TASOR2: variants seen among roughly 807,000 people sequenced by gnomAD.
TASOR2 encodes transcription activation suppressor family member 2.
Under a neutral mutation model 199.5 loss-of-function variants are expected in TASOR2, and 84 were observed. The observed-to-expected ratio is 0.42, with a 90% CI of 0.35 to 0.50. The LOEUF (loss-of-function observed/expected upper bound fraction) is 0.50. TASOR2 is among the 20% of genes least tolerant of loss of function. The pLI is 0.02. For synonymous variants in TASOR2, 1,103 were observed against 1,046.6 expected, an observed-to-expected ratio of 1.05 and a Z score of -1.04; for missense variants, 2,796 against 2,835.9, an observed-to-expected ratio of 0.99 and a Z score of 0.32.
chr10:5,730,486 G>A lies in TASOR2; in HGVS notation c.488-1G>A. Reference sequence around the variant, plus strand: ...GTTTAATACGTGTGTATATATTCTAGGGGTGAAAGATTTGAAAGTTGAAGA... The same window carrying A: ...GTTTAATACGTGTGTATATATTCTAAGGGTGAAAGATTTGAAAGTTGAAGA... On this transcript the variant is annotated splice_acceptor_variant, in intron 10 of 20. Coordinates refer to ENST00000328090, the Ensembl canonical transcript of TASOR2. LOFTEE classifies it high-confidence loss of function. The surrounding 1 kb of genome is among the most constrained non-coding windows in gnomAD (Gnocchi z 4.1). 1 of 1,582,536 alleles carries A rather than the reference G, an allele frequency of 6.3e-7. No homozygotes were observed. Among genetic ancestry groups the A allele is most frequent in the Non-Finnish European group, 8.6e-7 (1 of 1,166,030 alleles).
intron 10 of TASOR2, among the ~76,000 whole-genome samples, chr10:5,729,852 C>A (rs1834562060): frequency 6.7e-6 from 1 of 149,736 alleles, no homozygotes; most frequent in Middle Eastern, 3.4e-3. Context: ...TTCCTTTATT[C>A]ATTTTCAAAA....
intron 1 of TASOR2, 167 bp from the exon 2 acceptor site, chr10:5,712,656 T>G (rs1425688694): frequency 4.5e-6 from 4 of 888,224 alleles, no homozygotes; most frequent in Non-Finnish European, 5.9e-6. Flanking sequence ...ACGCAGCAGA[T>G]CCTTGGAAAT....
At chr10:5,692,866 G>A (rs1196993619) in intron 1 of TASOR2, 3 of 152,368 alleles carry the variant, frequency 2.0e-5, no homozygotes, top group Non-Finnish European at 4.4e-5. Context: ...GAGGGGGCCG[G>A]AGGGGCTGCC....
rs74776371 is a variant in TASOR2, at chr10:5,719,919, G to A, written c.-99-625G>A. Among the ~76,000 whole-genome samples, 46 of 152,226 alleles carry A rather than the reference G, an allele frequency of 3.0e-4. 1 individual carries two copies. The East Asian group carries it at 7.7e-3, about 26-fold the overall frequency. ...GTCACCAAAGAGCCATTCAGTGACC[G>A]TAACATAAAAGATGGTGGGCTATAG... On this transcript the variant is annotated intron_variant, in intron 3 of 20. Transcript: ENST00000328090. The surrounding 1 kb of genome is among the most constrained non-coding windows in gnomAD (Gnocchi z 4.1).
At chr10:5,760,614 AGAGG>A (rs1376521561) in intron 18 of TASOR2, among the ~76,000 whole-genome samples, 1 of 152,256 alleles carries the variant, frequency 6.6e-6, no homozygotes, top group Non-Finnish European at 1.5e-5. Flanking sequence ...ATTCATAGAA[AGAGG>A]GATGGCATAA....
intron 6 of TASOR2, 100 bp from the exon 8 acceptor site, chr10:5,723,577 G>T: frequency 8.2e-6 from 5 of 610,024 alleles, no homozygotes; most frequent in Non-Finnish European, 1.1e-5. Context: ...TCTTTTTTGT[G>T]GTTATATTTT....
Position 5,720,362 on chromosome 10 carries a change from A to T in TASOR2, c.-99-182A>T, listed in dbSNP as rs1026744584. On this transcript the variant is annotated intron_variant, in intron 3 of 20. Transcript: ENST00000328090. This position sits in a 1 kb window ranked among gnomAD's most constrained non-coding sequence, Gnocchi z 5.3. ...TGAAAATACTAACAAGGTTTCTAAC[A>T]AGACGAGTCATTTTCGTGCCTTTGA... 1 of 985,460 alleles carries T rather than the reference A, an allele frequency of 1.0e-6. No homozygotes were observed. The highest frequency in any genetic ancestry group is 1.2e-6 in the Non-Finnish European group (1 of 829,928). The allele number at this position is 985,460 out of a possible 1,614,324, so 61.0% of individuals were successfully genotyped here. A position where few individuals can be genotyped will look rare whatever the true frequency, so the allele number is the denominator to read the frequency against.
In TASOR2 at chr10:5,746,411, G is replaced by A. The variant is rs1020512170; in HGVS notation, c.2990G>A (p.Gly997Asp). 2 of 1,614,092 alleles carry A rather than the reference G, an allele frequency of 1.2e-6. No homozygotes were observed. The highest frequency in any genetic ancestry group is 1.3e-5 in the African/African-American group (1 of 75,036). Reference sequence around the variant, plus strand: ...GTGATATGTCAGAGCTCTGTGTACGGCACCCTTGAAAACAAAGTGGATATT... The same window carrying A: ...GTGATATGTCAGAGCTCTGTGTACGACACCCTTGAAAACAAAGTGGATATT... The change falls in exon 15 of 21, where the codon GGC becomes GAC. Residue 997 changes from glycine (G) to aspartate (D), a missense_variant. Transcript: ENST00000328090.
At chr10:5,725,390 C>CAAAAA (rs59186946) in intron 8 of TASOR2, among the ~76,000 whole-genome samples, 2 of 78,970 alleles carry the variant, frequency 2.5e-5, no homozygotes, top group Non-Finnish European at 4.5e-5. Flanking sequence ...GACTCCATCT[C>CAAAAA]AAAAAAAAAA....
At chr10:5,746,778 G>T (rs1251804466) in exon 15 of TASOR2, 2 of 1,614,164 alleles carry the variant, frequency 1.2e-6, no homozygotes, top group Admixed American at 3.3e-5. Context: ...CAGGACAGAA[G>T]GGCACTAAGT....
At chr10:5,717,301 TTTTATA>T (rs1832782730) in intron 2 of TASOR2, among the ~76,000 whole-genome samples, 1 of 152,208 alleles carries the variant, frequency 6.6e-6, no homozygotes, top group Non-Finnish European at 1.5e-5. Context: ...CTTATTGATC[TTTTATA>T]TCTTCATGAG....
At chr10:5,716,191 T>C (rs1832605389) in intron 2 of TASOR2, among the ~76,000 whole-genome samples, 2 of 152,226 alleles carry the variant, frequency 1.3e-5, no homozygotes, top group African/African-American at 4.8e-5. Flanking sequence ...TTATGCAGTC[T>C]GTTGTTGACC....
chr10:5,725,390 C>CAA (rs59186946), intron 8 of TASOR2, among the ~76,000 whole-genome samples: 1 of 78,962 alleles, frequency 1.3e-5, no homozygotes, highest in African/African-American at 6.1e-5. Flanking sequence ...GACTCCATCT[C>CAA]AAAAAAAAAA....
At chr10:5,745,208 G>C (rs561817852) in intron 14 of TASOR2, among the ~76,000 whole-genome samples, 111 of 152,304 alleles carry the variant, frequency 7.3e-4, no homozygotes, top group Non-Finnish European at 1.2e-3. Flanking sequence ...GCTTGCTACT[G>C]TTTAAATCAG....
intron 1 of TASOR2, among the ~76,000 whole-genome samples, chr10:5,702,646 T>C (rs1453401338): frequency 7.2e-6 from 1 of 138,508 alleles, no homozygotes; most frequent in Non-Finnish European, 1.5e-5. Context: ...TTTTTTTTTT[T>C]TTTTTTTTTT....
chr10:5,685,307 T>C lies in TASOR2; in HGVS notation c.-288+132T>C, dbSNP rs2131471848. 2.5e-6 allele frequency: 1 copy of C among 396,016 alleles called. No individual in the cohort carries two copies. Among genetic ancestry groups the C allele is most frequent in the Non-Finnish European group, 4.4e-6 (1 of 224,938 alleles). 24.5% of individuals were successfully genotyped at this position (396,016 alleles called of 1,614,324 possible). On this transcript the variant is annotated intron_variant, in intron 1 of 20. Transcript: ENST00000328090. This position sits in a 1 kb window ranked among gnomAD's most constrained non-coding sequence, Gnocchi z 5.4. Reference sequence around the variant, plus strand: ...GCGTTCTCCTTGCCTTTTGCCGCGCTCCGGGTGAGGGGGTGGGAGGGGTCG... The same window carrying C: ...GCGTTCTCCTTGCCTTTTGCCGCGCCCCGGGTGAGGGGGTGGGAGGGGTCG...
At chr10:5,762,086 G>C (rs1839936509) in intron 19 of TASOR2, among the ~76,000 whole-genome samples, 1 of 151,962 alleles carries the variant, frequency 6.6e-6, no homozygotes, top group African/African-American at 2.4e-5. Context: ...GGCCAGCCTG[G>C]GCAACTTAGC....
At chr10:5,741,997 CAA>C in intron 13 of TASOR2, 98 bp from the exon 15 acceptor site, 1 of 1,135,330 alleles carries the variant, frequency 8.8e-7, no homozygotes, top group Non-Finnish European at 1.3e-6. Flanking sequence ...AAAATAAAAA[CAA>C]AAACTAAGGA....
chr10:5,759,442 A>G (rs1407328739), intron 18 of TASOR2, among the ~76,000 whole-genome samples: 1 of 152,232 alleles, frequency 6.6e-6, no homozygotes, highest in Non-Finnish European at 1.5e-5. Flanking sequence ...TGTAATTTAT[A>G]AAAGAAAAAA....
Sources: allele counts gnomAD v4.1 joint callset (sites outside exome capture counted in the v4.1 genomes callset), GRCh38; gene constraint gnomAD v4.1.1; non-coding constraint Gnocchi (gnomAD v3.1); transcripts MANE v1.5; gene names NCBI Gene and HGNC (gene_info 2026-07-23, HGNC 2026-07-21).